Variants in WDR41 observed in about 807,000 individuals in gnomAD.
WDR41 encodes WD repeat-containing protein 41.
WDR41 carries 63 observed loss-of-function variants against 69.3 expected under a neutral mutation model. That is an observed-to-expected ratio of 0.91 (90% CI 0.74 to 1.12). WDR41 has a LOEUF of 1.12. Among genes scored for constraint, WDR41 ranks in the 50% most tolerant of loss-of-function variants. WDR41 has a pLI of 0.00. For missense variants in WDR41, 543 were observed against 534.5 expected (o/e 1.02, Z -0.16); for synonymous variants, 185 against 192.1 (o/e 0.96, Z 0.31).
At chr5:77,498,083 A>T (rs759973753) in intron 1 of WDR41, among the ~76,000 whole-genome samples, 1 of 152,176 alleles carries the variant, frequency 6.6e-6, no homozygotes, top group Non-Finnish European at 1.5e-5. Context: ...GTTACCAGGG[A>T]TGGGAGAGGG....
chr5:77,441,138 T>C, intron 8 of WDR41, 141 bp from the exon 9 acceptor site: 1 of 781,644 alleles, frequency 1.3e-6, no homozygotes, highest in African/African-American at 1.7e-5. Context: ...ACAGAAAGAT[T>C]AATGTAACAG....
At chr5:77,551,281 G>A (rs144301954) in intron 1 of WDR41, among the ~76,000 whole-genome samples, 2,859 of 152,332 alleles carry the variant, frequency 0.019, 45 homozygotes, top group Middle Eastern at 0.054. Flanking sequence ...GATTTTGTAT[G>A]TTTAAGAAGG....
chr5:77,476,323 C>T (rs372345026), intron 2 of WDR41, among the ~76,000 whole-genome samples: 17 of 150,956 alleles, frequency 1.1e-4, no homozygotes, highest in South Asian at 8.4e-4. Flanking sequence ...ATACAGAGAA[C>T]GCCACAAAGA....
At chr5:77,608,202 C>A (rs939081858) in intron 1 of WDR41, among the ~76,000 whole-genome samples, 1 of 152,198 alleles carries the variant, frequency 6.6e-6, no homozygotes, top group African/African-American at 2.4e-5. Context: ...CTATTTCATA[C>A]AGCAGAATGT....
chr5:77,573,620 T>C (rs958772519), intron 1 of WDR41, among the ~76,000 whole-genome samples: 1 of 152,112 alleles, frequency 6.6e-6, no homozygotes, highest in African/African-American at 2.4e-5. Flanking sequence ...AATTTCCAAC[T>C]ATAGCCACTA....
In WDR41 at chr5:77,489,571, T is replaced by C; in HGVS notation, c.53A>G (p.Lys18Arg). ...TTCACCTATTGTCTGTAAAGGAGAT[T>C]TCTTGTATTGAAAAAAAAAAAAAAG... ...GGREPQGLAEKSPLQTIGEEQ... is the reference protein window; with the variant it reads ...GGREPQGLAERSPLQTIGEEQ... The change falls in exon 2 of 13, where the codon AAA becomes AGA. Residue 18 changes from lysine (K) to arginine (R), a missense_variant and splice_region_variant. By Grantham distance (26) the Lys-to-Arg change is conservative (BLOSUM62 2). Coordinates refer to ENST00000296679, the MANE Select transcript of WDR41 (RefSeq NM_018268.4). The C allele has an allele frequency of 1.3e-6, 2 of 1,529,818 alleles. No individual in the cohort carries two copies. Among genetic ancestry groups the C allele is most frequent in the Non-Finnish European group, 1.7e-6 (2 of 1,148,980 alleles). The allele number at this position is 1,529,818 out of a possible 1,614,324, so 94.8% of individuals were successfully genotyped here. A position where few individuals can be genotyped will look rare whatever the true frequency, so the allele number is the denominator to read the frequency against.
chr5:77,538,519 A>G (rs752612596), intron 1 of WDR41, among the ~76,000 whole-genome samples: 4 of 152,118 alleles, frequency 2.6e-5, no homozygotes, highest in Non-Finnish European at 5.9e-5. Flanking sequence ...GGTGTATCCA[A>G]TGCTTGGCTC....
intron 1 of WDR41, among the ~76,000 whole-genome samples, chr5:77,579,089 T>A (rs1743888940): frequency 6.6e-6 from 1 of 151,852 alleles, no homozygotes; most frequent in African/African-American, 2.4e-5. Flanking sequence ...TCAACTGAGA[T>A]TATGTAAGCC....
At chr5:77,514,150 A>C (rs1802252951) in intron 1 of WDR41, among the ~76,000 whole-genome samples, 1 of 152,186 alleles carries the variant, frequency 6.6e-6, no homozygotes, top group South Asian at 2.1e-4. Context: ...ATCACCTAAA[A>C]TTTTACCACC....
chr5:77,612,040 A>T (rs1343565217), intron 1 of WDR41, among the ~76,000 whole-genome samples: 4 of 152,338 alleles, frequency 2.6e-5, no homozygotes, highest in Non-Finnish European at 5.9e-5. Context: ...TAGAAAATCT[A>T]GAAGAAATGG....
chr5:77,586,875 C>T (rs552146329), intron 1 of WDR41, among the ~76,000 whole-genome samples: 7 of 150,068 alleles, frequency 4.7e-5, no homozygotes, highest in East Asian at 4.0e-4. Context: ...CGTGCCAGTA[C>T]GCCTGGCTAA....
At chr5:77,457,060 T>C (rs1045764412) in intron 5 of WDR41, among the ~76,000 whole-genome samples, 10 of 152,278 alleles carry the variant, frequency 6.6e-5, no homozygotes, top group Non-Finnish European at 4.4e-5. Flanking sequence ...AGCCCTTTAT[T>C]AGGTTGAGGA....
chr5:77,617,883 C>G (rs1369484349), intron 1 of WDR41, among the ~76,000 whole-genome samples: 2 of 152,134 alleles, frequency 1.3e-5, no homozygotes, highest in Non-Finnish European at 1.5e-5. Flanking sequence ...CAAATAACTA[C>G]CCATATGAGT....
chr5:77,433,023 GGACT>G lies in WDR41; in HGVS notation c.*108_*111del, dbSNP rs2151279256. 3.2e-6 allele frequency: 4 copies of G among 1,253,260 alleles called. No individual in the cohort carries two copies. The highest frequency in any genetic ancestry group is 4.3e-6 in the Non-Finnish European group (4 of 924,966). 77.6% of individuals were successfully genotyped at this position (1,253,260 alleles called of 1,614,324 possible). A position where few individuals can be genotyped will look rare whatever the true frequency, so the allele number is the denominator to read the frequency against. ...AAAATTTAAACATGTAGAATTTTAT[GGACT>G]GACAAAAAAAATTACCAATTTAAGT... On this transcript the variant is annotated 3_prime_UTR_variant, in exon 13 of 13. Coordinates refer to ENST00000296679, the MANE Select transcript of WDR41 (RefSeq NM_018268.4).
At chr5:77,588,922 A>C (rs984661062) in intron 1 of WDR41, among the ~76,000 whole-genome samples, 2 of 152,202 alleles carry the variant, frequency 1.3e-5, no homozygotes, top group African/African-American at 4.8e-5. Flanking sequence ...GCCTTCTTGC[A>C]CTTAGGAACA....
intron 5 of WDR41, among the ~76,000 whole-genome samples, chr5:77,455,805 C>T (rs1428121742): frequency 6.6e-6 from 1 of 152,126 alleles, no homozygotes; most frequent in Non-Finnish European, 1.5e-5. Flanking sequence ...CATTGATCTG[C>T]ATGTCTGTCA....
In WDR41 at chr5:77,463,449, TA is replaced by T. The variant is rs552939300; in HGVS notation, c.217-224del. On this transcript the variant is annotated intron_variant, in intron 3 of 12. Coordinates refer to ENST00000296679, the MANE Select transcript of WDR41 (RefSeq NM_018268.4). ...TAAAACAAAATGCTAATTTTTAGTATATTTTTATAGAAAATTTTGAGTATTT... is the reference window on the plus strand; with the variant it reads ...TAAAACAAAATGCTAATTTTTAGTATTTTTTATAGAAAATTTTGAGTATTT... Among the ~76,000 whole-genome samples, 225 of 152,252 alleles carry T rather than the reference TA, an allele frequency of 1.5e-3. 2 individuals carry two copies. The highest frequency in any genetic ancestry group is 5.1e-3 in the African/African-American group (213 of 41,580).
chr5:77,437,800 A>G (rs573916879), intron 10 of WDR41, among the ~76,000 whole-genome samples: 1 of 152,178 alleles, frequency 6.6e-6, no homozygotes, highest in Non-Finnish European at 1.5e-5. Context: ...GTCCCTGTCC[A>G]TATGTTCGTC....
chr5:77,566,291 A>T (rs1293119283), intron 1 of WDR41, among the ~76,000 whole-genome samples: 1 of 152,076 alleles, frequency 6.6e-6, no homozygotes, highest in Non-Finnish European at 1.5e-5. Flanking sequence ...ACTATTTACT[A>T]ATCTTTATGT....
Sources: allele counts gnomAD v4.1 joint callset (sites outside exome capture counted in the v4.1 genomes callset), GRCh38; gene constraint gnomAD v4.1.1; transcripts MANE v1.5; gene names NCBI Gene and HGNC (gene_info 2026-07-23, HGNC 2026-07-21).